CUBN: variants seen among roughly 807,000 people sequenced by gnomAD.
CUBN encodes cubilin.
In CUBN, 282 loss-of-function variants were observed where a neutral mutation model predicts 405.3. The ratio of observed to expected loss-of-function variants is 0.70; its 90% CI spans 0.63 to 0.77. The LOEUF (loss-of-function observed/expected upper bound fraction) is 0.77. Among genes scored for constraint, CUBN ranks in the 30% least tolerant of loss-of-function variants. The pLI, the probability that CUBN is intolerant of heterozygous loss-of-function variation, is 0.00. For missense variants in CUBN, 4,514 were observed against 4,475.2 expected (o/e 1.01, Z -0.25); for synonymous variants, 1,684 against 1,617.0 (o/e 1.04, Z -0.99).
At chr10:16,893,155 A>T (rs748485963) in intron 54 of CUBN, among the ~76,000 whole-genome samples, 3 of 152,204 alleles carry the variant, frequency 2.0e-5, no homozygotes, top group Non-Finnish European at 4.4e-5. Context: ...TTAGTGTTCT[A>T]TATAATTCAG....
intron 28 of CUBN, among the ~76,000 whole-genome samples, chr10:17,012,731 AAGTACTTTAAGATTTGGCTG>A (rs1834218316): frequency 6.6e-6 from 1 of 152,196 alleles, no homozygotes; most frequent in Non-Finnish European, 1.5e-5. Context: ...CTGATTCTGT[AAGTACTTTAAGATTTGGCTG>A]AGTGAAAACA....
chr10:16,841,803 CT>C (rs1564380435), intron 60 of CUBN, among the ~76,000 whole-genome samples: 3 of 148,318 alleles, frequency 2.0e-5, no homozygotes, highest in Admixed American at 7.0e-5. Context: ...ATCCCATATA[CT>C]TGGGAGGCTG....
Position 16,925,274 on chromosome 10 carries a change from C to T in CUBN, c.6613G>A (p.Gly2205Arg), listed in dbSNP as rs140883483. Residue 2205 changes from glycine (G) to arginine (R), a missense_variant, in exon 43 of 67, where the codon GGA (glycine) becomes AGA (arginine). Physicochemically the swap from Gly to Arg is moderately radical, Grantham distance 125 (BLOSUM62 -2). Around this residue, in one of 5 missense-constraint regions of CUBN, gnomAD observed 1,613 missense variants for 1,542.8 expected, o/e 1.05. Transcript: ENST00000377833. ...FISDHSNEGQ[G>R]FKIKYEAKSL... ...TTTGCCTCATATTTGATTTTAAATC[C>T]TTGCCCTTCATTACTGTGATCAGAA... 2.0e-4 allele frequency: 330 copies of T among 1,613,488 alleles called. No homozygotes were observed. Among genetic ancestry groups the T allele is most frequent in the Non-Finnish European group, 2.6e-4 (303 of 1,179,658 alleles).
At chr10:16,891,663 G>A (rs1270523577) in intron 54 of CUBN, among the ~76,000 whole-genome samples, 2 of 152,132 alleles carry the variant, frequency 1.3e-5, no homozygotes, top group Admixed American at 1.3e-4. Context: ...ACAATGCTGA[G>A]TCACTCAAGG....
chr10:17,022,948 T>A (rs536087772), intron 27 of CUBN, among the ~76,000 whole-genome samples: 1 of 152,342 alleles, frequency 6.6e-6, no homozygotes, highest in African/African-American at 2.4e-5. Context: ...ATAATCACCC[T>A]AAGCTCGATG....
At chr10:16,917,879 C>G (rs1481352238) in intron 45 of CUBN, among the ~76,000 whole-genome samples, 2 of 152,008 alleles carry the variant, frequency 1.3e-5, no homozygotes, top group African/African-American at 4.8e-5. Flanking sequence ...TCTATAATAA[C>G]TCTTATTTAA....
chr10:17,013,021 T>C (rs1834226480), intron 28 of CUBN, among the ~76,000 whole-genome samples: 1 of 152,204 alleles, frequency 6.6e-6, no homozygotes, highest in Non-Finnish European at 1.5e-5. Flanking sequence ...TGCTTTCAGG[T>C]TATGCCCTTG....
In CUBN at chr10:16,913,874, G is replaced by T; in HGVS notation, c.7470C>A (p.Ile2490=). 1 of 1,614,116 alleles carries T rather than the reference G, an allele frequency of 6.2e-7. No homozygotes were observed. The highest frequency in any genetic ancestry group is 8.5e-7 in the Non-Finnish European group (1 of 1,180,024). The change falls in exon 48 of 67, where the codon ATC becomes ATA. Residue 2490 remains isoleucine, a synonymous_variant. Transcript: ENST00000377833. ...GCCTCAGGTTGTTAAACATTAGGGT[G>T]ATCCGCCTTCCCTCCGGGGCAGTGA... ...WRITAPEGRR[I]TLMFNNLRLA...
chr10:17,119,669 C>G (rs1836990353), intron 6 of CUBN, among the ~76,000 whole-genome samples: 1 of 151,994 alleles, frequency 6.6e-6, no homozygotes, highest in African/African-American at 2.4e-5. Context: ...CAAAAACAAA[C>G]AAAACAAAAC....
intron 17 of CUBN, among the ~76,000 whole-genome samples, chr10:17,080,500 C>A (rs936922347): frequency 1.2e-4 from 19 of 152,186 alleles, no homozygotes; most frequent in Non-Finnish European, 2.4e-4. Flanking sequence ...TTCTCGAAAG[C>A]CCTTCTCTTT....
chr10:17,082,008 A>T (rs1835983376), intron 17 of CUBN, among the ~76,000 whole-genome samples: 1 of 152,034 alleles, frequency 6.6e-6, no homozygotes. Context: ...TTTGGTCAAG[A>T]CTTTGAGGAT....
At position 16,954,438 on chromosome 10, in the gene CUBN, C is replaced by T. The variant is rs373433658; in HGVS notation, c.4806G>A (p.Gln1602=). 2.9e-5 allele frequency: 46 copies of T among 1,614,022 alleles called. No homozygotes were observed. The African/African-American group carries it at 4.9e-4, about 17-fold the overall frequency. ...SSGNSLFLRF[Q]SGPSRQNRGF... Reference sequence around the variant, plus strand: ...CTCTGTTCTGTCTGGAAGGGCCAGACTGAAATCTCAAGAAGAGGCTGTTTC... The same window carrying T: ...CTCTGTTCTGTCTGGAAGGGCCAGATTGAAATCTCAAGAAGAGGCTGTTTC... Residue 1602 remains glutamine, a synonymous_variant, in exon 32 of 67, where the codon CAG becomes CAA. Transcript: ENST00000377833.
intron 31 of CUBN, among the ~76,000 whole-genome samples, chr10:16,976,217 T>C (rs752457875): frequency 4.0e-4 from 61 of 151,858 alleles, no homozygotes; most frequent in Non-Finnish European, 7.2e-4. Context: ...AGTGATCCTC[T>C]TGCCTCATGC....
rs756066045 is a variant in CUBN at position 16,828,974 on chromosome 10, G to GGGTAT, written c.10590_10594dup (p.Pro3532HisfsTer63). 6.2e-7 allele frequency: 1 copy of GGGTAT among 1,614,148 alleles called. No homozygotes were observed. The highest frequency in any genetic ancestry group is 8.5e-7 in the Non-Finnish European group (1 of 1,180,030). On this transcript the variant is annotated frameshift_variant, in exon 66 of 67. Coordinates refer to ENST00000377833, the MANE Select transcript of CUBN (RefSeq NM_001081.4). LOFTEE classifies it high-confidence loss of function. ...GACCCACTCGCAGTACGTGTTGTTT[G>GGGTAT]GGTATGTGCCTGGATAGCCGGGGCT...
chr10:16,966,435 A>G (rs962047283), intron 31 of CUBN, among the ~76,000 whole-genome samples: 1 of 146,764 alleles, frequency 6.8e-6, no homozygotes, highest in African/African-American at 2.5e-5. Flanking sequence ...TCTCACCTGG[A>G]CCCTTATGCT....
intron 39 of CUBN, among the ~76,000 whole-genome samples, chr10:16,935,484 G>C (rs1842474520): frequency 6.6e-6 from 1 of 152,118 alleles, no homozygotes; most frequent in Admixed American, 6.5e-5. Flanking sequence ...GGAGAGTAGA[G>C]ATTGTACCTC....
At position 16,925,382 on chromosome 10, in the gene CUBN, G is replaced by A. The variant is rs1205087725; in HGVS notation, c.6505C>T (p.Pro2169Ser). ...CCACAAAAATGACCATTTCCTCCAG[G>A]GGGTCCCAAGGGTGGAGAACAGATA... The part of the protein sequence containing the change: ...PDICSPPLGP[P>S]GGNGHFCGSH... Residue 2169 changes from proline (P) to serine (S), a missense_variant, in exon 43 of 67, where the codon CCT (proline) becomes TCT (serine). Around this residue, in one of 5 missense-constraint regions of CUBN, gnomAD observed 1,613 missense variants for 1,542.8 expected, o/e 1.05. Transcript: ENST00000377833. 1.9e-6 allele frequency: 3 copies of A among 1,613,938 alleles called. No individual in the cohort carries two copies. Among genetic ancestry groups the A allele is most frequent in the South Asian group, 2.2e-5 (2 of 91,074 alleles).
chr10:17,084,520 A>G, intron 16 of CUBN, 59 bp from the exon 17 acceptor site: 1 of 1,435,628 alleles, frequency 7.0e-7, no homozygotes, highest in Non-Finnish European at 9.7e-7. Flanking sequence ...GCTTGCAGGC[A>G]TTGGATCCAA....
chr10:17,068,579 A>G, intron 20 of CUBN, 26 bp downstream of exon 20: 7 of 1,328,420 alleles, frequency 5.3e-6, no homozygotes, highest in South Asian at 4.0e-5. Context: ...CAAGAGGAGG[A>G]AAAAAAAAAG....
Sources: allele counts gnomAD v4.1 joint callset (sites outside exome capture counted in the v4.1 genomes callset), GRCh38; gene constraint gnomAD v4.1.1; regional missense constraint gnomAD v4.1.1; transcripts MANE v1.5; gene names NCBI Gene and HGNC (gene_info 2026-07-23, HGNC 2026-07-21).